The following STAMBP variants were observed in gnomAD, a reference collection of about 807,000 sequenced individuals.
STAMBP encodes STAM-binding protein.
In STAMBP, 31 loss-of-function variants were observed where a neutral mutation model predicts 50.7. The observed-to-expected ratio is 0.61, with a 90% CI of 0.46 to 0.83. STAMBP has a LOEUF of 0.83. Among genes scored for constraint, STAMBP ranks in the 40% least tolerant of loss-of-function variants. STAMBP has a pLI of 0.00. For synonymous variants in STAMBP, 211 were observed against 192.4 expected, an observed-to-expected ratio of 1.10 and a Z score of -0.80; for missense variants, 472 against 518.9, an observed-to-expected ratio of 0.91 and a Z score of 0.88.
At chr2:73,844,569 C>T (rs1356651399) in intron 2 of STAMBP, 1 of 283,476 alleles carries the variant, frequency 3.5e-6, no homozygotes, top group East Asian at 5.9e-5. Flanking sequence ...TTTTTTTGGC[C>T]ATCTTTTTCA....
chr2:73,849,245 C>A lies in STAMBP; in HGVS notation c.743-118C>A, dbSNP rs1676500034. On this transcript the variant is annotated intron_variant, in intron 5 of 9. Transcript: ENST00000394070. ...ATTAGAATGAGATCCCTACTCACTG[C>A]CTGAAGTTGGGGGAATCCCAGTGGC... 11 of 1,483,266 alleles carry A rather than the reference C, an allele frequency of 7.4e-6. No individual in the cohort carries two copies. The East Asian group carries it at 2.5e-4, about 34-fold the overall frequency. The allele number at this position is 1,483,266 out of a possible 1,614,324, so 91.9% of individuals were successfully genotyped here.
intron 2 of STAMBP, 115 bp downstream of exon 2, chr2:73,831,174 T>C: frequency 1.2e-6 from 1 of 817,796 alleles, no homozygotes. Context: ...TCATTTTTGC[T>C]GGCAACTCCT....
intron 2 of STAMBP, among the ~76,000 whole-genome samples, chr2:73,837,759 A>G (rs1674905712): frequency 6.6e-6 from 1 of 152,182 alleles, no homozygotes; most frequent in Non-Finnish European, 1.5e-5. Flanking sequence ...AGGCTTCACC[A>G]GATGCCAGAA....
chr2:73,844,230 G>A (rs576711145), intron 2 of STAMBP, among the ~76,000 whole-genome samples: 1 of 152,334 alleles, frequency 6.6e-6, no homozygotes, highest in Non-Finnish European at 1.5e-5. Context: ...ATCAAAGACA[G>A]TGCATGCTAA....
rs1464871691 is a variant in STAMBP, at chr2:73,834,281, ATATAT to A, written c.203+3223_203+3227del. ...TATATATATATATATATATATATAT[ATATAT>A]AAAGTTTTTGACTCCCCAGAAACTT... On this transcript the variant is annotated intron_variant, in intron 2 of 9. Transcript: ENST00000394070. Among the ~76,000 whole-genome samples, 112 of 86,890 alleles carry A rather than the reference ATATAT, an allele frequency of 1.3e-3. 3 individuals are homozygous for A. The highest frequency in any genetic ancestry group is 3.4e-3 in the African/African-American group (73 of 21,264). 57.0% of individuals were successfully genotyped at this position (86,890 alleles called of 152,430 possible).
At chr2:73,835,451 T>C (rs1041831137) in intron 2 of STAMBP, among the ~76,000 whole-genome samples, 4 of 152,060 alleles carry the variant, frequency 2.6e-5, no homozygotes, top group Non-Finnish European at 5.9e-5. Flanking sequence ...CCCAAAGTGC[T>C]AGGATTACAG....
chr2:73,872,230 C>T (rs139122425), intron 10 of STAMBP, among the ~76,000 whole-genome samples: 201 of 152,252 alleles, frequency 1.3e-3, no homozygotes, highest in African/African-American at 4.6e-3. Context: ...AACCCATCTA[C>T]GCCACATGCA....
At chr2:73,834,574 A>T (rs970169534) in intron 2 of STAMBP, among the ~76,000 whole-genome samples, 32 of 152,086 alleles carry the variant, frequency 2.1e-4, no homozygotes, top group Admixed American at 2.1e-3. Context: ...TTGCTGTCTC[A>T]GGGGCGGCAG....
In STAMBP at chr2:73,830,969, G is replaced by T; in HGVS notation, c.113G>T (p.Arg38Leu). 6.2e-7 allele frequency: 1 copy of T among 1,614,166 alleles called. No individual in the cohort carries two copies. The highest frequency in any genetic ancestry group is 8.5e-7 in the Non-Finnish European group (1 of 1,180,024). ...NEDIPPRRYF[R>L]SGVEIIRMAS... is the part of the protein sequence containing the mutation. ...GACATTCCACCCCGTCGGTACTTCC[G>T]CTCTGGAGTTGAGATTATCCGAATG... The change falls in exon 2 of 10, where the codon CGC (arginine) becomes CTC (leucine). Residue 38 changes from arginine to leucine, a missense_variant. By Grantham distance (102) the Arg-to-Leu change is moderately radical. Coordinates refer to ENST00000394070, the MANE Select transcript of STAMBP (RefSeq NM_213622.4).
Position 73,862,469 on chromosome 2 carries a change from A to G in STAMBP, c.*210A>G. ...AGTCAGAAAGAGAACATGGTCACCCAAAAGCAACTGTAACTCAGAAATTAA... is the reference window on the plus strand; with the variant it reads ...AGTCAGAAAGAGAACATGGTCACCCGAAAGCAACTGTAACTCAGAAATTAA... On this transcript the variant is annotated 3_prime_UTR_variant, in exon 10 of 10. Transcript: ENST00000394070. The G allele has an allele frequency of 2.7e-6, 1 of 376,594 alleles. No individual in the cohort carries two copies. The highest frequency in any genetic ancestry group is 4.8e-6 in the Non-Finnish European group (1 of 208,174). The allele number at this position is 376,594 out of a possible 1,614,324, so 23.3% of individuals were successfully genotyped here.
Position 73,847,309 on chromosome 2 carries a change from A to G in STAMBP, c.376-78A>G, listed in dbSNP as rs1676237453. On this transcript the variant is annotated intron_variant, in intron 4 of 9. Transcript: ENST00000394070. ...GCAGAAGTACATTTTGGAAATCTCC[A>G]TGCTAAAAAGCCTTGTTCTCCTGAA... 3 of 1,509,214 alleles carry G rather than the reference A, an allele frequency of 2.0e-6. No individual in the cohort carries two copies. In the South Asian group the frequency reaches 4.1e-5, roughly 20 times the overall value. 93.5% of individuals were successfully genotyped at this position (1,509,214 alleles called of 1,614,324 possible).
chr2:73,857,011 G>A (rs1017241673), intron 7 of STAMBP, among the ~76,000 whole-genome samples: 5 of 152,190 alleles, frequency 3.3e-5, no homozygotes, highest in African/African-American at 1.2e-4. Flanking sequence ...CCTAGATCTT[G>A]ATTTCCTTTT....
rs1449746444 is a variant in STAMBP at position 73,847,607 on chromosome 2, A to G, written c.596A>G (p.Asp199Gly). Residue 199 changes from aspartate to glycine, a missense_variant, in exon 5 of 10, where the codon GAC becomes GGC. Physicochemically the swap from Asp to Gly is moderately conservative, Grantham distance 94. Transcript: ENST00000394070. ...GGCCTAGGTGGCCCGCTAGTGCCTG[A>G]CTTGGAGAAGCCCTCCTTAGATGTG... is the stretch of plus-strand genomic sequence containing the variant. ...DPGLGGPLVP[D>G]LEKPSLDVFP... is the part of the protein sequence containing the mutation. 1 of 1,614,208 alleles carries G rather than the reference A, an allele frequency of 6.2e-7. No homozygotes were observed. Among genetic ancestry groups the G allele is most frequent in the Non-Finnish European group, 8.5e-7 (1 of 1,180,026 alleles).
intron 2 of STAMBP, among the ~76,000 whole-genome samples, chr2:73,838,377 AGAC>A (rs1165525309): frequency 2.6e-5 from 4 of 152,240 alleles, no homozygotes; most frequent in African/African-American, 9.6e-5. Flanking sequence ...ACCCCGGTAT[AGAC>A]AACTCTTTGG....
intron 2 of STAMBP, among the ~76,000 whole-genome samples, chr2:73,835,215 G>C (rs1004930582): frequency 2.0e-4 from 31 of 152,232 alleles, no homozygotes; most frequent in African/African-American, 7.5e-4. Flanking sequence ...TTAGCCGGGC[G>C]TGGTGGCCCA....
Position 73,859,240 on chromosome 2 carries a change from T to G in STAMBP, c.1006-14T>G. ...TCCTCGCTAAGAGTCCTCTGACTCT[T>G]TTTCTCTCCTCAGACTCACCCCACA... On this transcript the variant is annotated splice_polypyrimidine_tract_variant and intron_variant, in intron 7 of 9. Transcript: ENST00000394070. 1 of 1,609,428 alleles carries G rather than the reference T, an allele frequency of 6.2e-7. No individual in the cohort carries two copies. Among genetic ancestry groups the G allele is most frequent in the Non-Finnish European group, 8.5e-7 (1 of 1,175,756 alleles).
At position 73,850,398 on chromosome 2, in the gene STAMBP, C is replaced by T; in HGVS notation, c.890C>T (p.Thr297Ile). The T allele has an allele frequency of 6.2e-7, 1 of 1,612,736 alleles. No homozygotes were observed. The highest frequency in any genetic ancestry group is 8.5e-7 in the Non-Finnish European group (1 of 1,179,496). Residue 297 changes from threonine to isoleucine, a missense_variant, in exon 7 of 10, where the codon ACC becomes ATC. By Grantham distance (89) the Thr-to-Ile change is moderately conservative. Transcript: ENST00000394070. This position sits in a 1 kb window ranked among gnomAD's most constrained non-coding sequence, Gnocchi z 4.3. ...GKLMRNEFTI[T>I]HVLIPKQSAG... ...CAGATGAGGAATGAATTTACCATTACCCATGTTCTCATCCCCAAGCAAAGT... is the reference window on the plus strand; with the variant it reads ...CAGATGAGGAATGAATTTACCATTATCCATGTTCTCATCCCCAAGCAAAGT...
chr2:73,859,283 C>T lies in STAMBP; in HGVS notation c.1035C>T (p.Ser345=), dbSNP rs1471485686. The change falls in exon 8 of 10, where the codon TCC becomes TCT. Residue 345 remains serine, a synonymous_variant. Transcript: ENST00000394070. ...HTHPTQTAFL[S]SVDLHTHCSY... ...ACCCCACACAGACCGCGTTTCTCTC[C>T]AGTGTCGACCTACACACTCACTGCT... 6.2e-7 allele frequency: 1 copy of T among 1,614,126 alleles called. No homozygotes were observed. The highest frequency in any genetic ancestry group is 8.5e-7 in the Non-Finnish European group (1 of 1,180,002).
intron 5 of STAMBP, among the ~76,000 whole-genome samples, chr2:73,848,277 A>G (rs1426785173): frequency 6.6e-6 from 1 of 151,866 alleles, no homozygotes; most frequent in Non-Finnish European, 1.5e-5. Context: ...CATTCTTGGC[A>G]TTTTTTATGA....
Sources: allele counts gnomAD v4.1 joint callset (sites outside exome capture counted in the v4.1 genomes callset), GRCh38; gene constraint gnomAD v4.1.1; non-coding constraint Gnocchi (gnomAD v3.1); transcripts MANE v1.5; gene names NCBI Gene and HGNC (gene_info 2026-07-23, HGNC 2026-07-21).